The following SCN9A variants were observed in gnomAD, a reference collection of about 807,000 sequenced individuals.
SCN9A encodes the protein sodium voltage-gated channel alpha subunit 9, also known as sodium channel protein type 9 subunit alpha.
Under a neutral mutation model 187.0 loss-of-function variants are expected in SCN9A, and 131 were observed. The ratio of observed to expected loss-of-function variants is 0.70; its 90% CI spans 0.61 to 0.81. The LOEUF is 0.81. SCN9A is among the 30% of genes least tolerant of loss of function. The probability of loss-of-function intolerance (pLI) is 0.00; values close to 1 mark genes in which losing one functional copy is unlikely to be tolerated. For synonymous variants in SCN9A, 809 were observed against 808.6 expected, an observed-to-expected ratio of 1.00 and a Z score of -0.01; for missense variants, 2,252 against 2,396.6, an observed-to-expected ratio of 0.94 and a Z score of 1.26.
At chr2:166,334,708 T>C (rs1699586242) in intron 1 of SCN9A, among the ~76,000 whole-genome samples, 1 of 152,172 alleles carries the variant, frequency 6.6e-6, no homozygotes, top group African/African-American at 2.4e-5. Context: ...GTAATCTCTG[T>C]AACAGTAAAT....
intron 21 of SCN9A, among the ~76,000 whole-genome samples, chr2:166,230,869 C>T (rs1695053246): frequency 6.6e-6 from 1 of 152,098 alleles, no homozygotes; most frequent in African/African-American, 2.4e-5. Context: ...CTGAGAAAGA[C>T]AGGCACCTAT....
chr2:166,318,648 T>C (rs781777533), intron 1 of SCN9A, among the ~76,000 whole-genome samples: 2 of 151,850 alleles, frequency 1.3e-5, no homozygotes, highest in Non-Finnish European at 2.9e-5. Context: ...AAACAAAAAA[T>C]TTCAGTAGAA....
chr2:166,308,346 C>G (rs1285359293), intron 2 of SCN9A, among the ~76,000 whole-genome samples: 1 of 152,042 alleles, frequency 6.6e-6, no homozygotes, highest in East Asian at 1.9e-4. Context: ...GGGGAGGGAC[C>G]TGGTGGTAAG....
At chr2:166,279,516 G>T (rs910402507) in intron 14 of SCN9A, among the ~76,000 whole-genome samples, 5 of 152,120 alleles carry the variant, frequency 3.3e-5, no homozygotes, top group Non-Finnish European at 7.3e-5. Flanking sequence ...GTACATTTTA[G>T]AGATCACTCT....
chr2:166,311,330 C>CTATACATATATA (rs1698940444), intron 2 of SCN9A, among the ~76,000 whole-genome samples, 169 bp downstream of exon 2: 1 of 46,722 alleles, frequency 2.1e-5, no homozygotes, highest in African/African-American at 8.8e-5. Flanking sequence ...TCTGAATATC[C>CTATACATATATA]TATATATATA....
rs140864908 is a variant in SCN9A, at chr2:166,260,778, C to T, written c.3352-8893G>A. The stretch of plus-strand genomic sequence containing the variant: ...ATTTTAATGTGTTCTCTACTATGCA[C>T]AAATAAAAGAAATGAATAAAATATC... On this transcript the variant is annotated intron_variant, in intron 17 of 26. Coordinates refer to ENST00000642356, the MANE Select transcript of SCN9A (RefSeq NM_001365536.1). Among the ~76,000 whole-genome samples, 69 of 151,486 alleles carry T rather than the reference C, an allele frequency of 4.6e-4. 1 individual carries two copies. Among genetic ancestry groups the T allele is most frequent in the African/African-American group, 1.5e-3 (63 of 41,330 alleles).
chr2:166,280,524 A>G lies in SCN9A; in HGVS notation c.2176T>C (p.Cys726Arg). The G allele has an allele frequency of 6.3e-7, 1 of 1,592,338 alleles. No individual in the cohort carries two copies. Among genetic ancestry groups the G allele is most frequent in the South Asian group, 1.1e-5 (1 of 87,920 alleles). ...TTGAATTTTATCCAATATGGAGAGC[A>G]ATTCCAGATCAAGAATTTGTGTGCA... ...RFAHKFLIWNCSPYWIKFKKC... is the reference protein window; with the variant it reads ...RFAHKFLIWNRSPYWIKFKKC... Residue 726 changes from cysteine (C) to arginine (R), a missense_variant, in exon 14 of 27, where the codon TGC becomes CGC. Cys to Arg is a radical substitution (Grantham distance 180). This residue lies in a region of SCN9A where 1,013 missense variants were observed against 997.4 expected (regional missense o/e 1.02). Transcript: ENST00000642356.
chr2:166,333,784 A>C (rs534415144), intron 1 of SCN9A, among the ~76,000 whole-genome samples: 1 of 152,146 alleles, frequency 6.6e-6, no homozygotes, highest in East Asian at 1.9e-4. Context: ...AAAGGATCAA[A>C]TTCTTCAAGG....
In SCN9A at chr2:166,223,727, A is replaced by G. The variant is rs1460352771; in HGVS notation, c.4398+2840T>C. On this transcript the variant is annotated intron_variant, in intron 24 of 26. Transcript: ENST00000642356. ...TTGTTAAGCAGGTAGATCTCATATT[A>G]AGTTTCCTTACCACAATAATTAAAA... Among the ~76,000 whole-genome samples, 5 of 152,260 alleles carry G rather than the reference A, an allele frequency of 3.3e-5. No homozygotes were observed. In the South Asian group the frequency reaches 8.3e-4, roughly 25 times the overall value.
At chr2:166,298,184 TA>T (rs1221935233) in intron 7 of SCN9A, among the ~76,000 whole-genome samples, 2 of 152,148 alleles carry the variant, frequency 1.3e-5, no homozygotes, top group Non-Finnish European at 2.9e-5. Flanking sequence ...AAAACAGCTG[TA>T]GATGAAGGAG....
chr2:166,290,166 G>A (rs1406277919), intron 9 of SCN9A, among the ~76,000 whole-genome samples: 3 of 151,902 alleles, frequency 2.0e-5, no homozygotes, highest in Non-Finnish European at 4.4e-5. Context: ...AACATGCAGT[G>A]TTTGGTTTTC....
chr2:166,288,030 AATT>A (rs1452320319), intron 10 of SCN9A, among the ~76,000 whole-genome samples: 2 of 146,568 alleles, frequency 1.4e-5, no homozygotes, highest in Non-Finnish European at 3.0e-5. Context: ...TTATTTAATC[AATT>A]ATTCTAAAAG....
chr2:166,364,844 C>T (rs1460900334), intron 1 of SCN9A, among the ~76,000 whole-genome samples: 1 of 152,016 alleles, frequency 6.6e-6, no homozygotes, highest in East Asian at 1.9e-4. Flanking sequence ...ATATATTTTA[C>T]CAAAATATAA....
intron 7 of SCN9A, among the ~76,000 whole-genome samples, chr2:166,296,722 C>T (rs1290790680): frequency 6.6e-6 from 1 of 152,096 alleles, no homozygotes; most frequent in African/African-American, 2.4e-5. Flanking sequence ...ATGCAGGTAG[C>T]TCACTCTAGG....
chr2:166,199,906 T>C (rs1453081138), intron 26 of SCN9A, 42 bp from the exon 27 acceptor site: 6 of 1,508,766 alleles, frequency 4.0e-6, no homozygotes, highest in South Asian at 1.1e-5. Flanking sequence ...TATTTAAAGA[T>C]GTATGCTACC....
rs1213509906 is a variant in SCN9A, at chr2:166,272,445, T to C, written c.3305A>G (p.Asn1102Ser). ...APGESDLENM[N>S]AEELSSDSDS... ...CGAATCACTGCTAAGTTCCTCAGCA[T>C]TCATATTTTCCAAATCGGATTCCCC... is the stretch of plus-strand genomic sequence containing the variant. The change falls in exon 17 of 27, where the codon AAT becomes AGT. Residue 1102 changes from asparagine to serine, a missense_variant. Around this residue, in one of 7 missense-constraint regions of SCN9A, gnomAD observed 313 missense variants for 295.3 expected, o/e 1.06. Coordinates refer to ENST00000642356, the MANE Select transcript of SCN9A (RefSeq NM_001365536.1). 2 of 1,610,374 alleles carry C rather than the reference T, an allele frequency of 1.2e-6. No homozygotes were observed. Among genetic ancestry groups the C allele is most frequent in the Admixed American group, 3.4e-5 (2 of 59,618 alleles).
chr2:166,241,152 A>T (rs1226047919), intron 19 of SCN9A, among the ~76,000 whole-genome samples: 1 of 152,166 alleles, frequency 6.6e-6, no homozygotes, highest in Non-Finnish European at 1.5e-5. Flanking sequence ...ATCAAAGTCC[A>T]AACTCATGAA....
chr2:166,270,901 T>C (rs901364242), intron 17 of SCN9A, among the ~76,000 whole-genome samples: 1 of 152,018 alleles, frequency 6.6e-6, no homozygotes, highest in African/African-American at 2.4e-5. Flanking sequence ...AAATACTTTC[T>C]AACATGAGCT....
intron 1 of SCN9A, among the ~76,000 whole-genome samples, chr2:166,318,661 C>T (rs538940239): frequency 1.0e-3 from 152 of 151,950 alleles, no homozygotes; most frequent in African/African-American, 3.6e-3. Context: ...CAGTAGAATG[C>T]TTGCTGAAAA....
Sources: gnomAD v4.1 joint callset for allele counts (sites outside exome capture counted in the v4.1 genomes callset) on GRCh38, gnomAD v4.1.1 for gene constraint, gnomAD v4.1.1 regional missense constraint, MANE v1.5 for transcripts, NCBI Gene and HGNC (gene_info 2026-07-23, HGNC 2026-07-21) for gene names.